SBF2: variants seen among roughly 807,000 people sequenced by gnomAD.
The protein encoded by SBF2 is SET binding factor 2.
Under a neutral mutation model 225.2 loss-of-function variants are expected in SBF2, and 112 were observed. The observed-to-expected ratio is 0.50, with a 90% confidence interval of 0.43 to 0.58. The LOEUF is 0.58. Ranked by LOEUF, SBF2 falls within the 20% of genes least tolerant of loss-of-function variation. The pLI is 0.00. For synonymous variants in SBF2, 763 were observed against 773.3 expected (o/e 0.99, Z 0.22); for missense variants, 1,996 against 2,206.2 (o/e 0.90, Z 1.91).
chr11:10,182,623 G>A (rs949342405), intron 2 of SBF2, among the ~76,000 whole-genome samples: 3 of 151,838 alleles, frequency 2.0e-5, no homozygotes, highest in Non-Finnish European at 2.9e-5. Flanking sequence ...GTGCAATCTC[G>A]GCTCACTGCA....
chr11:10,077,652 A>T (rs918115527), intron 2 of SBF2, among the ~76,000 whole-genome samples: 1 of 152,376 alleles, frequency 6.6e-6, no homozygotes, highest in Non-Finnish European at 1.5e-5. Context: ...TGGATTAAAG[A>T]CTTAAATGTT....
chr11:9,889,945 C>T (rs1860658047), intron 17 of SBF2, among the ~76,000 whole-genome samples: 1 of 151,994 alleles, frequency 6.6e-6, no homozygotes, highest in African/African-American at 2.4e-5. Flanking sequence ...ACTTTGTCAC[C>T]CAGGCTGGAG....
intron 16 of SBF2, among the ~76,000 whole-genome samples, chr11:9,941,105 T>C (rs996956354): frequency 1.3e-5 from 2 of 151,650 alleles, no homozygotes; most frequent in African/African-American, 4.8e-5. Flanking sequence ...TGCTTGAGAG[T>C]TCAAAACCAG....
At chr11:9,833,483 C>T (rs549249098) in intron 26 of SBF2, among the ~76,000 whole-genome samples, 4 of 145,900 alleles carry the variant, frequency 2.7e-5, no homozygotes, top group South Asian at 2.2e-4. Flanking sequence ...TGCAGTGGCA[C>T]GATCTCGGCC....
intron 2 of SBF2, among the ~76,000 whole-genome samples, chr11:10,074,782 T>C (rs191665763): frequency 1.3e-5 from 2 of 152,298 alleles, no homozygotes. Flanking sequence ...TAAATACAAG[T>C]TTATCCATCT....
At chr11:10,267,648 G>C (rs950548309) in intron 1 of SBF2, among the ~76,000 whole-genome samples, 13 of 151,496 alleles carry the variant, frequency 8.6e-5, no homozygotes, top group African/African-American at 2.9e-4. Context: ...AGATGGGATG[G>C]AGCTGAGTGG....
chr11:10,208,899 C>T (rs1051650601), intron 1 of SBF2, among the ~76,000 whole-genome samples: 3 of 152,192 alleles, frequency 2.0e-5, no homozygotes, highest in East Asian at 1.9e-4. Flanking sequence ...GTTATATTTA[C>T]GTTTTCTTCC....
chr11:9,918,270 C>T (rs192790371), intron 16 of SBF2, among the ~76,000 whole-genome samples: 212 of 152,278 alleles, frequency 1.4e-3, no homozygotes, highest in African/African-American at 4.8e-3. Flanking sequence ...CTCTGTAGTA[C>T]AAATCAGATT....
Position 9,882,795 on chromosome 11 carries a change from CAAAAAAAAAAA to C in SBF2, c.1929+13137_1929+13147del, listed in dbSNP as rs56699466. The stretch of plus-strand genomic sequence containing the variant: ...TGCACTCCAGCCTGGGTGACAGAGT[CAAAAAAAAAAA>C]AAAAAAAAAAAAAACCACCAAAAAA... On this transcript the variant is annotated intron_variant, in intron 17 of 39. Coordinates refer to ENST00000256190, the MANE Select transcript of SBF2 (RefSeq NM_030962.4). Among the ~76,000 whole-genome samples, 5 of 90,058 alleles carry C rather than the reference CAAAAAAAAAAA, an allele frequency of 5.6e-5. No individual in the cohort carries two copies. The East Asian group carries it at 1.3e-3, about 23-fold the overall frequency. The allele number at this position is 90,058 out of a possible 152,430, so 59.1% of individuals were successfully genotyped here.
Position 10,230,888 on chromosome 11 carries a change from A to G in SBF2, c.56-36901T>C, listed in dbSNP as rs576220375. Among the ~76,000 whole-genome samples the G allele has an allele frequency of 2.5e-3, 378 of 152,234 alleles. 4 individuals carry two copies. Among genetic ancestry groups the G allele is most frequent in the African/African-American group, 8.6e-3 (359 of 41,524 alleles). On this transcript the variant is annotated intron_variant, in intron 1 of 39. Coordinates refer to ENST00000256190, the MANE Select transcript of SBF2 (RefSeq NM_030962.4). ...CTAGATTGGGGAAGTTCTCCTGGATAATATCCTGCAGAGTGTTTTCCAACT... is the reference window on the plus strand; with the variant it reads ...CTAGATTGGGGAAGTTCTCCTGGATGATATCCTGCAGAGTGTTTTCCAACT...
At chr11:10,156,201 G>A (rs1439365145) in intron 2 of SBF2, among the ~76,000 whole-genome samples, 4 of 152,276 alleles carry the variant, frequency 2.6e-5, no homozygotes, top group South Asian at 2.1e-4. Context: ...GGATGCTGTC[G>A]CCACCTGGCC....
At chr11:9,857,317 G>A (rs1049870683) in intron 18 of SBF2, among the ~76,000 whole-genome samples, 11 of 152,210 alleles carry the variant, frequency 7.2e-5, no homozygotes, top group African/African-American at 2.2e-4. Context: ...GGCTGGCTCC[G>A]GGATAGACTT....
chr11:9,808,824 G>A (rs1853997798), intron 31 of SBF2, 77 bp downstream of exon 31: 2 of 1,044,780 alleles, frequency 1.9e-6, no homozygotes, highest in African/African-American at 3.2e-5. Context: ...TTATACAAAA[G>A]AGTCATCTGA....
At chr11:10,108,615 C>T (rs1422588096) in intron 2 of SBF2, among the ~76,000 whole-genome samples, 1 of 150,186 alleles carries the variant, frequency 6.7e-6, no homozygotes, top group African/African-American at 2.5e-5. Flanking sequence ...AGCTCCGCCT[C>T]CCGGGTTCAT....
chr11:9,956,612 G>A (rs1256912725), intron 16 of SBF2: 1 of 138,226 alleles, frequency 7.2e-6, no homozygotes, highest in South Asian at 2.3e-4. Flanking sequence ...TGATTTATAA[G>A]TGCTGCTCTG....
chr11:10,209,274 T>C (rs1957848998), intron 1 of SBF2, among the ~76,000 whole-genome samples: 1 of 150,112 alleles, frequency 6.7e-6, no homozygotes, highest in Admixed American at 6.6e-5. Context: ...TTTAAACATG[T>C]CCCCTGCCTA....
intron 2 of SBF2, among the ~76,000 whole-genome samples, chr11:10,173,183 T>C (rs1014787940): frequency 6.6e-6 from 1 of 152,208 alleles, no homozygotes; most frequent in Admixed American, 6.5e-5. Context: ...GGAACAGCTC[T>C]GGTCTACAGC....
intron 15 of SBF2, 135 bp from the exon 16 acceptor site, chr11:9,962,241 G>A: frequency 1.5e-6 from 1 of 677,650 alleles, no homozygotes; most frequent in South Asian, 1.9e-5. Flanking sequence ...AACTCCTAGG[G>A]AATAGGTGAT....
At chr11:10,125,597 T>C (rs1342474190) in intron 2 of SBF2, among the ~76,000 whole-genome samples, 1 of 152,200 alleles carries the variant, frequency 6.6e-6, no homozygotes, top group Non-Finnish European at 1.5e-5. Context: ...ACAGTCCTTA[T>C]ATACCCTTCA....
Sources: gnomAD v4.1 joint callset for allele counts (sites outside exome capture counted in the v4.1 genomes callset) on GRCh38, gnomAD v4.1.1 for gene constraint, MANE v1.5 for transcripts, NCBI Gene and HGNC (gene_info 2026-07-23, HGNC 2026-07-21) for gene names.